The following ITFG1 variants were observed in gnomAD, a reference collection of about 807,000 sequenced individuals.
ITFG1 encodes the protein T-cell immunomodulatory protein.
In ITFG1, 34 loss-of-function variants were observed where a neutral mutation model predicts 81.8. The ratio of observed to expected loss-of-function variants is 0.42; its 90% CI spans 0.32 to 0.55. The LOEUF (loss-of-function observed/expected upper bound fraction) is 0.55, where lower values mean the gene tolerates loss of function less well. Ranked by LOEUF, ITFG1 falls within the 20% of genes least tolerant of loss-of-function variation. The pLI is 0.17. For missense variants in ITFG1, 672 were observed against 755.4 expected (o/e 0.89, Z 1.29); for synonymous variants, 285 against 270.6 (o/e 1.05, Z -0.52).
chr16:47,234,584 G>GA (rs34904895), intron 13 of ITFG1, among the ~76,000 whole-genome samples: 12,926 of 152,004 alleles, frequency 0.085, 739 homozygotes, highest in Non-Finnish European at 0.13. Context: ...GATAAATATT[G>GA]AAAAAATCTA....
intron 8 of ITFG1, among the ~76,000 whole-genome samples, chr16:47,347,565 G>A (rs1376947375): frequency 6.6e-6 from 1 of 152,022 alleles, no homozygotes; most frequent in East Asian, 1.9e-4. Context: ...AATGGGTGGA[G>A]CCCACCACAG....
intron 10 of ITFG1, among the ~76,000 whole-genome samples, chr16:47,307,524 T>C (rs894108116): frequency 1.3e-5 from 2 of 152,194 alleles, no homozygotes; most frequent in Admixed American, 6.5e-5. Context: ...TTCCAACTAA[T>C]GAAGTTGGAG....
intron 5 of ITFG1, among the ~76,000 whole-genome samples, chr16:47,430,264 C>A (rs1394118617): frequency 6.6e-6 from 1 of 151,478 alleles, no homozygotes; most frequent in Non-Finnish European, 1.5e-5. Context: ...CAGGGTTTCA[C>A]CATGTTGGCC....
intron 8 of ITFG1, among the ~76,000 whole-genome samples, chr16:47,351,249 T>C (rs1347868381): frequency 6.6e-6 from 1 of 152,130 alleles, no homozygotes; most frequent in Non-Finnish European, 1.5e-5. Flanking sequence ...GGTATTCAAT[T>C]AGGAAAAGAG....
At chr16:47,322,247 G>A (rs1256425884) in intron 8 of ITFG1, among the ~76,000 whole-genome samples, 1 of 152,172 alleles carries the variant, frequency 6.6e-6, no homozygotes, top group African/African-American at 2.4e-5. Flanking sequence ...GTCACTGTCA[G>A]ACATAGTAAC....
At chr16:47,183,321 G>C (rs1293005108) in intron 14 of ITFG1, among the ~76,000 whole-genome samples, 3 of 152,164 alleles carry the variant, frequency 2.0e-5, no homozygotes, top group Non-Finnish European at 4.4e-5. Flanking sequence ...TCCACCTCTG[G>C]GGGCAGGGCA....
intron 10 of ITFG1, among the ~76,000 whole-genome samples, chr16:47,276,010 T>C (rs1431672280): frequency 5.3e-5 from 8 of 152,054 alleles, no homozygotes; most frequent in South Asian, 2.1e-4. Flanking sequence ...AAGTCAATGA[T>C]ACCAAATAAC....
intron 8 of ITFG1, among the ~76,000 whole-genome samples, chr16:47,336,131 A>G (rs1205337583): frequency 6.6e-6 from 1 of 152,234 alleles, no homozygotes; most frequent in Non-Finnish European, 1.5e-5. Context: ...AATGTCTAGA[A>G]TAGGCCAAAG....
chr16:47,195,686 G>A (rs933080532), intron 14 of ITFG1, among the ~76,000 whole-genome samples: 1 of 151,784 alleles, frequency 6.6e-6, no homozygotes, highest in Admixed American at 6.6e-5. Flanking sequence ...CTCAGTTTTT[G>A]TTTGTCTGAT....
chr16:47,252,878 CAAAGG>C (rs1966094736), intron 12 of ITFG1, among the ~76,000 whole-genome samples: 1 of 152,124 alleles, frequency 6.6e-6, no homozygotes, highest in African/African-American at 2.4e-5. Flanking sequence ...AACCGATAAT[CAAAGG>C]AAAGAGTGGA....
chr16:47,351,068 A>G (rs1475556049), intron 8 of ITFG1, among the ~76,000 whole-genome samples: 3 of 152,224 alleles, frequency 2.0e-5, no homozygotes, highest in Admixed American at 2.0e-4. Context: ...TCTCAAAATA[A>G]TAAGAGCTAT....
intron 6 of ITFG1, among the ~76,000 whole-genome samples, chr16:47,397,549 G>C (rs770954089): frequency 7.2e-5 from 11 of 152,222 alleles, no homozygotes; most frequent in Non-Finnish European, 1.6e-4. Context: ...CCTTTTAGGA[G>C]ACACTGGACA....
At chr16:47,373,842 T>G (rs1406728531) in intron 7 of ITFG1, among the ~76,000 whole-genome samples, 1 of 152,238 alleles carries the variant, frequency 6.6e-6, no homozygotes, top group Non-Finnish European at 1.5e-5. Flanking sequence ...TTTATAGGTT[T>G]TGAGGTTTTT....
At chr16:47,380,351 C>T (rs528683206) in intron 6 of ITFG1, among the ~76,000 whole-genome samples, 2 of 152,158 alleles carry the variant, frequency 1.3e-5, no homozygotes, top group African/African-American at 2.4e-5. Flanking sequence ...ATGATGATGA[C>T]GGAGAAGTTC....
chr16:47,200,526 C>T (rs909991708), intron 14 of ITFG1, among the ~76,000 whole-genome samples: 6 of 152,082 alleles, frequency 3.9e-5, no homozygotes, highest in South Asian at 2.1e-4. Flanking sequence ...TTACACTTGA[C>T]GAAAACTTTC....
chr16:47,371,928 T>C (rs1040861012), intron 7 of ITFG1, among the ~76,000 whole-genome samples: 18 of 150,438 alleles, frequency 1.2e-4, no homozygotes, highest in Non-Finnish European at 2.1e-4. Context: ...TTTTTTTTTT[T>C]CCTGAGACAG....
intron 5 of ITFG1, chr16:47,449,120 C>G (rs1969358265): frequency 6.6e-6 from 1 of 152,210 alleles, no homozygotes; most frequent in Non-Finnish European, 1.5e-5. Context: ...CAGGTTATAG[C>G]AAGGGCTTTC....
At chr16:47,248,375 T>G (rs1428793412) in intron 12 of ITFG1, among the ~76,000 whole-genome samples, 1 of 152,132 alleles carries the variant, frequency 6.6e-6, no homozygotes, top group Non-Finnish European at 1.5e-5. Flanking sequence ...TACAATAGGC[T>G]CTCTTATTTT....
intron 10 of ITFG1, among the ~76,000 whole-genome samples, chr16:47,309,156 C>T (rs1274268783): frequency 6.6e-6 from 1 of 151,054 alleles, no homozygotes; most frequent in Non-Finnish European, 1.5e-5. Flanking sequence ...GCAACCTCTG[C>T]CTCCTGGGTT....
Sources: gnomAD v4.1 joint callset for allele counts (sites outside exome capture counted in the v4.1 genomes callset) on GRCh38, gnomAD v4.1.1 for gene constraint, MANE v1.5 for transcripts, NCBI Gene and HGNC (gene_info 2026-07-23, HGNC 2026-07-21) for gene names.